The following CTNNA3 variants were observed in gnomAD, a reference collection of about 807,000 sequenced individuals.
CTNNA3 encodes the protein catenin alpha 3, also known as catenin alpha-3.
A neutral mutation model predicts 95.7 loss-of-function variants in CTNNA3; 76 were observed. The ratio of observed to expected loss-of-function variants is 0.79; its 90% confidence interval spans 0.66 to 0.96. The LOEUF (loss-of-function observed/expected upper bound fraction) is 0.96. Ranked by LOEUF, CTNNA3 falls within the 40% of genes least tolerant of loss-of-function variation. The pLI is 0.00. For missense variants in CTNNA3, 1,191 were observed against 1,089.8 expected (o/e 1.09, Z -1.31); for synonymous variants, 431 against 374.4 (o/e 1.15, Z -1.74).
At chr10:67,550,827 A>G (rs1171558892) in intron 3 of CTNNA3, among the ~76,000 whole-genome samples, 1 of 152,276 alleles carries the variant, frequency 6.6e-6, no homozygotes, top group African/African-American at 2.4e-5. Context: ...CATATTTTAT[A>G]TATTTTAGTG....
intron 13 of CTNNA3, among the ~76,000 whole-genome samples, chr10:66,148,394 C>T (rs897339121): frequency 2.2e-4 from 34 of 151,980 alleles, no homozygotes; most frequent in African/African-American, 7.2e-4. Context: ...ATGTATTCCT[C>T]GAAAATTCAT....
chr10:67,703,053 A>G (rs1162712582), intron 1 of CTNNA3, among the ~76,000 whole-genome samples: 1 of 152,232 alleles, frequency 6.6e-6, no homozygotes, highest in Non-Finnish European at 1.5e-5. Flanking sequence ...CTTGACATAT[A>G]CACCCTCCCA....
intron 5 of CTNNA3, among the ~76,000 whole-genome samples, chr10:67,373,175 C>T (rs1263922899): frequency 6.6e-6 from 1 of 152,110 alleles, no homozygotes; most frequent in Admixed American, 6.6e-5. Flanking sequence ...AAGACACAGA[C>T]TGGCAAATTG....
chr10:66,260,064 T>G lies in CTNNA3; in HGVS notation c.1884+20406A>C, dbSNP rs547456943. Among the ~76,000 whole-genome samples, 7 of 152,226 alleles carry G rather than the reference T, an allele frequency of 4.6e-5. No individual in the cohort carries two copies. The South Asian group carries it at 1.2e-3, about 27-fold the overall frequency. On this transcript the variant is annotated intron_variant, in intron 13 of 17. Transcript: ENST00000433211. ...GTCTCTCTGACCTCTCACTTCCCCA[T>G]TGTCTCTCCCAAAGCACAGGATGAG...
At chr10:67,590,753 T>A (rs1435746626) in intron 3 of CTNNA3, among the ~76,000 whole-genome samples, 1 of 152,088 alleles carries the variant, frequency 6.6e-6, no homozygotes, top group African/African-American at 2.4e-5. Context: ...TTTGTGAAGG[T>A]TCGCTATATG....
intron 5 of CTNNA3, among the ~76,000 whole-genome samples, chr10:67,284,745 A>G (rs374544832): frequency 6.6e-6 from 1 of 152,222 alleles, no homozygotes; most frequent in African/African-American, 2.4e-5. Context: ...AACTTTCCTT[A>G]AAATGTTATA....
chr10:67,304,483 G>A (rs1840456329), intron 5 of CTNNA3, among the ~76,000 whole-genome samples: 3 of 152,128 alleles, frequency 2.0e-5, no homozygotes, highest in African/African-American at 2.4e-5. Context: ...ATAAAAGTAA[G>A]ACTGAAATAA....
intron 7 of CTNNA3, among the ~76,000 whole-genome samples, chr10:67,050,133 A>C (rs1163267783): frequency 6.6e-6 from 1 of 152,232 alleles, no homozygotes; most frequent in East Asian, 1.9e-4. Flanking sequence ...GATTTCTTGC[A>C]CTAAACTTTT....
chr10:66,209,604 A>C (rs76903794), intron 13 of CTNNA3, among the ~76,000 whole-genome samples: 2,284 of 152,302 alleles, frequency 0.015, 51 homozygotes, highest in African/African-American at 0.052. Flanking sequence ...GGAATAAACA[A>C]AATAGAGTAG....
intron 10 of CTNNA3, among the ~76,000 whole-genome samples, chr10:66,555,837 A>G (rs1379043258): frequency 6.6e-6 from 1 of 152,062 alleles, no homozygotes; most frequent in Non-Finnish European, 1.5e-5. Flanking sequence ...ACTTTTGGAC[A>G]GTACAGCAAA....
intron 7 of CTNNA3, among the ~76,000 whole-genome samples, chr10:67,114,712 GTGT>G (rs1166326801): frequency 3.9e-4 from 20 of 51,182 alleles, no homozygotes; most frequent in South Asian, 8.4e-4. Flanking sequence ...TCTTAAAGGT[GTGT>G]GTGTGTGTGT....
chr10:66,027,932 G>A (rs767189468), intron 15 of CTNNA3, among the ~76,000 whole-genome samples: 2 of 152,118 alleles, frequency 1.3e-5, no homozygotes, highest in Non-Finnish European at 2.9e-5. Flanking sequence ...TGTTGACAAT[G>A]ACAGATTAAA....
At chr10:66,492,485 G>C (rs778990603) in intron 11 of CTNNA3, among the ~76,000 whole-genome samples, 10 of 149,232 alleles carry the variant, frequency 6.7e-5, no homozygotes, top group Non-Finnish European at 1.5e-4. Context: ...ACAGGGTCTT[G>C]CTATGTTGCC....
rs533068820 is a variant in CTNNA3 at position 66,390,955 on chromosome 10, C to T, written c.1532-11603G>A. Among the ~76,000 whole-genome samples the T allele has an allele frequency of 1.5e-3, 227 of 152,066 alleles. 1 individual carries two copies. The highest frequency in any genetic ancestry group is 5.0e-3 in the African/African-American group (206 of 41,500). ...CTTAATATATGTTAGAAAATGTAGA[C>T]GATATAAAAGATAAAGTACAGTCCC... On this transcript the variant is annotated intron_variant, in intron 11 of 17. Transcript: ENST00000433211.
At chr10:66,310,358 C>T (rs1435704526) in intron 12 of CTNNA3, among the ~76,000 whole-genome samples, 1 of 152,110 alleles carries the variant, frequency 6.6e-6, no homozygotes, top group African/African-American at 2.4e-5. Context: ...TATCCGATAT[C>T]ATATGGACAA....
intron 12 of CTNNA3, among the ~76,000 whole-genome samples, chr10:66,307,583 C>A (rs2091951272): frequency 6.6e-6 from 1 of 152,064 alleles, no homozygotes. Context: ...TATTTTCCCA[C>A]TAGCTGTTTT....
intron 11 of CTNNA3, among the ~76,000 whole-genome samples, chr10:66,494,551 A>G (rs1840038449): frequency 6.6e-6 from 1 of 152,226 alleles, no homozygotes; most frequent in African/African-American, 2.4e-5. Flanking sequence ...GAAGTATGAC[A>G]TTGGGTAATA....
At chr10:66,219,062 T>C (rs903229704) in intron 13 of CTNNA3, among the ~76,000 whole-genome samples, 7 of 152,216 alleles carry the variant, frequency 4.6e-5, no homozygotes, top group Non-Finnish European at 1.0e-4. Flanking sequence ...AACAGATAAC[T>C]TATCTCTTGA....
At chr10:67,548,598 C>A (rs1840917967) in intron 3 of CTNNA3, among the ~76,000 whole-genome samples, 2 of 152,234 alleles carry the variant, frequency 1.3e-5, no homozygotes, top group South Asian at 4.2e-4. Context: ...CAGAAATAAA[C>A]CTTTACGTTT....
Sources: allele counts gnomAD v4.1 joint callset (sites outside exome capture counted in the v4.1 genomes callset), GRCh38; gene constraint gnomAD v4.1.1; transcripts MANE v1.5; gene names NCBI Gene and HGNC (gene_info 2026-07-23, HGNC 2026-07-21).